MICALL1: variants seen among roughly 807,000 people sequenced by gnomAD.
MICALL1 encodes MICAL-like protein 1.
A neutral mutation model predicts 83.7 loss-of-function variants in MICALL1; 61 were observed. The ratio of observed to expected loss-of-function variants is 0.73; its 90% CI spans 0.59 to 0.90. The LOEUF is 0.90. Among genes scored for constraint, MICALL1 ranks in the 40% least tolerant of loss-of-function variants. The pLI is 0.00. For missense variants in MICALL1, 1,066 were observed against 1,152.0 expected (o/e 0.93, Z 1.08); for synonymous variants, 481 against 473.6 (o/e 1.02, Z -0.20).
intron 15 of MICALL1, 44 bp from the exon 16 acceptor site, chr22:37,940,665 C>T: frequency 6.2e-7 from 1 of 1,608,818 alleles, no homozygotes; most frequent in Non-Finnish European, 8.5e-7. Context: ...CTGGATGTAC[C>T]CCTCTTCTCC....
At position 37,932,146 on chromosome 22, in the gene MICALL1, G is replaced by T. The variant is rs1273175653; in HGVS notation, c.2016+213G>T. On this transcript the variant is annotated intron_variant, in intron 10 of 15. Coordinates refer to ENST00000215957, the MANE Select transcript of MICALL1 (RefSeq NM_033386.4). This position sits in a 1 kb window ranked among gnomAD's most constrained non-coding sequence, Gnocchi z 4.4. The stretch of plus-strand genomic sequence containing the variant: ...TCAGCCCTTCACCACCAAAAGCAGT[G>T]GGTGGTGCATTTAATTTGTTACTAA... Among the ~76,000 whole-genome samples the T allele has an allele frequency of 6.6e-6, 1 of 152,234 alleles. No individual in the cohort carries two copies. Among genetic ancestry groups the T allele is most frequent in the African/African-American group, 2.4e-5 (1 of 41,462 alleles).
rs190986047 is a variant in MICALL1, at chr22:37,906,697, C to T, written c.146+129C>T. On this transcript the variant is annotated intron_variant, in intron 1 of 15. Transcript: ENST00000215957. The surrounding 1 kb of genome is among the most constrained non-coding windows in gnomAD (Gnocchi z 4.4). ...CCCGGACACGGAGACGCCGACCCCC[C>T]CGACGGCCCCGGACGCCGGGCGGGT... The T allele has an allele frequency of 8.4e-5, 72 of 857,030 alleles. No individual in the cohort carries two copies. The African/African-American group carries it at 1.2e-3, about 14-fold the overall frequency. The allele number at this position is 857,030 out of a possible 1,614,324, so 53.1% of individuals were successfully genotyped here.
At chr22:37,925,550 A>C (rs1445860314) in intron 7 of MICALL1, 111 bp from the exon 8 acceptor site, 2 of 693,406 alleles carry the variant, frequency 2.9e-6, no homozygotes, top group Non-Finnish European at 4.9e-6. Context: ...GAGAAGGGAA[A>C]CAGCCGTTTC....
intron 5 of MICALL1, among the ~76,000 whole-genome samples, 197 bp from the exon 6 acceptor site, chr22:37,921,775 G>T (rs1929046724): frequency 6.6e-6 from 1 of 152,130 alleles, no homozygotes; most frequent in African/African-American, 2.4e-5. Flanking sequence ...CGTGTGATTT[G>T]GTGATTTTAT....
chr22:37,937,461 T>C (rs902297754), intron 14 of MICALL1, among the ~76,000 whole-genome samples: 1 of 151,046 alleles, frequency 6.6e-6, no homozygotes, highest in African/African-American at 2.4e-5. Context: ...TTCACTCTTG[T>C]TGCCCAGGCT....
Position 37,924,720 on chromosome 22 carries a change from A to G in MICALL1, c.1082+3A>G. The G allele has an allele frequency of 1.9e-6, 3 of 1,611,766 alleles. No homozygotes were observed. In the South Asian group the frequency reaches 3.3e-5, roughly 18 times the overall value. On this transcript the variant is annotated splice_donor_region_variant and intron_variant, in intron 7 of 15. Coordinates refer to ENST00000215957, the MANE Select transcript of MICALL1 (RefSeq NM_033386.4). This position sits in a 1 kb window ranked among gnomAD's most constrained non-coding sequence, Gnocchi z 5.2. ...GGGACACCGAAGCCGTCCGAGGGGT[A>G]TGTCGATCCCTGAGGGGCTTTCCTG...
intron 13 of MICALL1, among the ~76,000 whole-genome samples, chr22:37,935,063 G>T (rs1930029014): frequency 6.9e-6 from 1 of 145,388 alleles, no homozygotes; most frequent in Non-Finnish European, 1.5e-5. Flanking sequence ...CTCCCTAGTA[G>T]CTGGGACTAC....
chr22:37,920,272 C>A (rs578012763), intron 5 of MICALL1, among the ~76,000 whole-genome samples: 1 of 151,978 alleles, frequency 6.6e-6, no homozygotes, highest in East Asian at 1.9e-4. Context: ...AAAAATGAAA[C>A]CAAAAGAGGA....
intron 5 of MICALL1, among the ~76,000 whole-genome samples, chr22:37,921,585 A>G (rs1929034262): frequency 6.6e-6 from 1 of 152,168 alleles, no homozygotes; most frequent in Non-Finnish European, 1.5e-5. Context: ...AAAAAACAAA[A>G]CAAAACAAAA....
chr22:37,921,470 G>A (rs757561695), intron 5 of MICALL1, among the ~76,000 whole-genome samples: 7 of 152,212 alleles, frequency 4.6e-5, no homozygotes, highest in Non-Finnish European at 8.8e-5. Context: ...CCACTCGGAA[G>A]GCTGAGGCAG....
intron 8 of MICALL1, 83 bp downstream of exon 8, chr22:37,926,126 A>C: frequency 6.9e-7 from 1 of 1,457,768 alleles, no homozygotes; most frequent in Non-Finnish European, 9.1e-7. Flanking sequence ...GGTGGGGCAG[A>C]GCCTACCAGG....
chr22:37,931,629 A>G (rs1475616800), intron 9 of MICALL1, among the ~76,000 whole-genome samples, 170 bp from the exon 10 acceptor site: 1 of 152,166 alleles, frequency 6.6e-6, no homozygotes, highest in Non-Finnish European at 1.5e-5. Flanking sequence ...GGAAATGTTT[A>G]TTGAATGACT....
intron 6 of MICALL1, among the ~76,000 whole-genome samples, chr22:37,923,359 TG>T (rs1929218073): frequency 6.6e-6 from 1 of 151,832 alleles, no homozygotes; most frequent in Non-Finnish European, 1.5e-5. Context: ...TCCAAGTAGC[TG>T]GGACTACAGG....
rs1393180251 is a variant in MICALL1, at chr22:37,932,723, A to C, written c.2143+44A>C. The C allele has an allele frequency of 1.2e-6, 2 of 1,611,574 alleles. No individual in the cohort carries two copies. Among genetic ancestry groups the C allele is most frequent in the Non-Finnish European group, 1.7e-6 (2 of 1,179,078 alleles). ...GGGCCTGCTGGGTGGGGCTGGGGGCAGGAGCCTCTATTCCCCGGGGAACTG... is the reference window on the plus strand; with the variant it reads ...GGGCCTGCTGGGTGGGGCTGGGGGCCGGAGCCTCTATTCCCCGGGGAACTG... On this transcript the variant is annotated intron_variant, in intron 11 of 15. Transcript: ENST00000215957. The surrounding 1 kb of genome is among the most constrained non-coding windows in gnomAD (Gnocchi z 4.4).
chr22:37,908,294 T>A (rs1410468363), intron 1 of MICALL1, among the ~76,000 whole-genome samples: 1 of 152,002 alleles, frequency 6.6e-6, no homozygotes, highest in African/African-American at 2.4e-5. Context: ...TTACTTTTTT[T>A]TTTTTTAATG....
intron 1 of MICALL1, among the ~76,000 whole-genome samples, chr22:37,910,077 A>G (rs561300097): frequency 1.3e-5 from 2 of 152,300 alleles, no homozygotes; most frequent in Non-Finnish European, 2.9e-5. Context: ...TGTGTCCTTC[A>G]TCTTCCCCAG....
In MICALL1 at chr22:37,922,417, C is replaced by A. The variant is rs1929107577; in HGVS notation, c.1015C>A (p.Leu339Met). ...GGTGGAGCAGGCTGGCAGCAGCAGC[C>A]TGGTGAACGGTGAGCAGGGTGCAGT... is the stretch of plus-strand genomic sequence containing the variant. Reference protein sequence around the residue: ...NLVEQAGSSSLVNGRLHELPV... With the variant: ...NLVEQAGSSSMVNGRLHELPV... The change falls in exon 6 of 16, where the codon CTG (leucine) becomes ATG (methionine). Residue 339 changes from leucine to methionine, a missense_variant. Coordinates refer to ENST00000215957, the MANE Select transcript of MICALL1 (RefSeq NM_033386.4). 6.5e-7 allele frequency: 1 copy of A among 1,527,842 alleles called. No homozygotes were observed. Among genetic ancestry groups the A allele is most frequent in the South Asian group, 1.2e-5 (1 of 81,898 alleles). The allele number at this position is 1,527,842 out of a possible 1,614,324, so 94.6% of individuals were successfully genotyped here. A position where few individuals can be genotyped will look rare whatever the true frequency, so the allele number is the denominator to read the frequency against.
chr22:37,926,121 G>A, intron 8 of MICALL1, 78 bp downstream of exon 8: 1 of 1,473,380 alleles, frequency 6.8e-7, no homozygotes, highest in Non-Finnish European at 9.0e-7. Flanking sequence ...GGTGTGGTGG[G>A]GCAGAGCCTA....
At position 37,927,596 on chromosome 22, in the gene MICALL1, C is replaced by T; in HGVS notation, c.1651C>T (p.Pro551Ser). The T allele has an allele frequency of 1.2e-6, 2 of 1,613,488 alleles. No individual in the cohort carries two copies. Among genetic ancestry groups the T allele is most frequent in the Non-Finnish European group, 8.5e-7 (1 of 1,179,448 alleles). ...AVHAPGTPGN[P>S]VSLSTNSSLA... is the part of the protein sequence containing the mutation. The stretch of plus-strand genomic sequence containing the variant: ...CCATGCCCCTGGTACCCCTGGAAAC[C>T]CTGTCAGCCTCTCTACCAACTCCTC... The change falls in exon 9 of 16, where the codon CCT becomes TCT. Residue 551 changes from proline (P) to serine (S), a missense_variant. By Grantham distance (74) the Pro-to-Ser change is moderately conservative. Transcript: ENST00000215957.
Sources: gnomAD v4.1 joint callset for allele counts (sites outside exome capture counted in the v4.1 genomes callset) on GRCh38, gnomAD v4.1.1 for gene constraint, Gnocchi (gnomAD v3.1) non-coding constraint, MANE v1.5 for transcripts, NCBI Gene and HGNC (gene_info 2026-07-23, HGNC 2026-07-21) for gene names.